The following VPS11 variants were observed in gnomAD, a reference collection of about 807,000 sequenced individuals.
The protein encoded by VPS11 is vacuolar protein sorting-associated protein 11 homolog.
VPS11 carries 51 observed loss-of-function variants against 106.8 expected under a neutral mutation model. The ratio of observed to expected loss-of-function variants is 0.48; its 90% CI spans 0.38 to 0.60. The LOEUF (loss-of-function observed/expected upper bound fraction) is 0.60. Ranked by LOEUF, VPS11 falls within the 20% of genes least tolerant of loss-of-function variation. The pLI is 0.00. For missense variants in VPS11, 950 were observed against 1,190.0 expected (o/e 0.80, Z 2.97); for synonymous variants, 453 against 458.7 (o/e 0.99, Z 0.16).
At position 119,081,286 on chromosome 11, in the gene VPS11, G is replaced by C. The variant is rs527542717; in HGVS notation, c.2633G>C (p.Arg878Pro). The C allele has an allele frequency of 3.7e-6, 6 of 1,613,872 alleles. 1 individual carries two copies. In the South Asian group the frequency reaches 6.6e-5, roughly 18 times the overall value. Residue 878 changes from arginine (R) to proline (P), a missense_variant, in exon 15 of 16, where the codon CGA becomes CCA. By Grantham distance (103) the Arg-to-Pro change is moderately radical (BLOSUM62 -2). Around this residue, in one of 3 missense-constraint regions of VPS11, gnomAD observed 453 missense variants for 514.6 expected, o/e 0.88. Transcript: ENST00000621676. ...ATGATCCGGGCCCAGGAACAGAAAC[G>C]AGATCTCCATGATCAATTCCAGCAT... is the stretch of plus-strand genomic sequence containing the variant. ...MDMIRAQEQK[R>P]DLHDQFQHQL...
intron 7 of VPS11, among the ~76,000 whole-genome samples, chr11:119,074,232 G>T (rs181066060): frequency 2.6e-5 from 4 of 151,508 alleles, no homozygotes; most frequent in African/African-American, 4.9e-5. Flanking sequence ...TTACAGGCGC[G>T]TGCCACCACA....
rs373598554 is a variant in VPS11 at position 119,069,275 on chromosome 11, C to T, written c.267C>T (p.His89=). The change falls in exon 2 of 16, where the codon CAC becomes CAT. Residue 89 remains histidine (H), a synonymous_variant. Transcript: ENST00000621676. Reference sequence around the variant, plus strand: ...AAGCCTACAAACTACGGGTGACACACCTGTACCAACTGAAGCAGCACAATA... The same window carrying T: ...AAGCCTACAAACTACGGGTGACACATCTGTACCAACTGAAGCAGCACAATA... ...GFQAYKLRVT[H]LYQLKQHNIL... 36 of 1,613,866 alleles carry T rather than the reference C, an allele frequency of 2.2e-5. No homozygotes were observed. In the African/African-American group the frequency reaches 4.1e-4, roughly 19 times the overall value.
At chr11:119,075,793 T>C (rs1452743171) in intron 7 of VPS11, among the ~76,000 whole-genome samples, 1 of 151,868 alleles carries the variant, frequency 6.6e-6, no homozygotes, top group East Asian at 1.9e-4. Flanking sequence ...TCCCAGCCAC[T>C]CGCAAAGCTG....
intron 4 of VPS11, among the ~76,000 whole-genome samples, chr11:119,071,127 A>C (rs923926911): frequency 1.1e-4 from 17 of 151,758 alleles, no homozygotes; most frequent in African/African-American, 4.1e-4. Context: ...TGGGGGTTTC[A>C]CCATGTTGCC....
rs782051419 is a variant in VPS11 at position 119,078,583 on chromosome 11, G to A, written c.1942G>A (p.Ala648Thr). 3.1e-6 allele frequency: 5 copies of A among 1,611,344 alleles called. No homozygotes were observed. Among genetic ancestry groups the A allele is most frequent in the Middle Eastern group, 1.6e-4 (1 of 6,080 alleles). The change falls in exon 12 of 16, where the codon GCA (alanine) becomes ACA (threonine). Residue 648 changes from alanine to threonine, a missense_variant. Physicochemically the swap from Ala to Thr is moderately conservative, Grantham distance 58. Coordinates refer to ENST00000621676, the MANE Select transcript of VPS11 (RefSeq NM_021729.6). ...KDPQVKEKLHAEAISLLKSGR... is the reference protein window; with the variant it reads ...KDPQVKEKLHTEAISLLKSGR... Reference sequence around the variant, plus strand: ...TCTCCAGGTCAAAGAGAAGCTTCACGCAGAGGCCATTTCCCTGCTGAAGAG... The same window carrying A: ...TCTCCAGGTCAAAGAGAAGCTTCACACAGAGGCCATTTCCCTGCTGAAGAG...
intron 8 of VPS11, among the ~76,000 whole-genome samples, 167 bp downstream of exon 8, chr11:119,077,250 A>G (rs980883699): frequency 6.6e-6 from 1 of 152,020 alleles, no homozygotes; most frequent in African/African-American, 2.4e-5. Context: ...TTGTTTTATG[A>G]TTCTAGAAAT....
rs185879397 is a variant in VPS11 at position 119,069,471 on chromosome 11, T to C, written c.366T>C (p.Asp122=). Residue 122 remains aspartate, a synonymous_variant, in exon 3 of 16, where the codon GAT becomes GAC. Transcript: ENST00000621676. ...LVKIWNLEKR[D]GGNPLCTRIF... The stretch of plus-strand genomic sequence containing the variant: ...AGATCTGGAACCTGGAGAAGAGAGA[T>C]GGTGGCAATCCACTCTGCACTCGAA... 28 of 1,613,878 alleles carry C rather than the reference T, an allele frequency of 1.7e-5. 1 individual carries two copies. The Admixed American group carries it at 4.3e-4, about 25-fold the overall frequency.
rs1194778389 is a variant in VPS11 at position 119,079,114 on chromosome 11, G to C, written c.2267-15G>C. The C allele has an allele frequency of 1.2e-6, 2 of 1,612,682 alleles. No homozygotes were observed. Among genetic ancestry groups the C allele is most frequent in the African/African-American group, 2.7e-5 (2 of 74,904 alleles). On this transcript the variant is annotated splice_polypyrimidine_tract_variant and intron_variant, in intron 13 of 15. Coordinates refer to ENST00000621676, the MANE Select transcript of VPS11 (RefSeq NM_021729.6). ...GTGGTTGATTGTCTTGTTTCCTCTT[G>C]GACCCCAATCTCAGTGGTGCAGACC...
At chr11:119,080,661 G>A (rs1396075156) in intron 14 of VPS11, among the ~76,000 whole-genome samples, 4 of 152,202 alleles carry the variant, frequency 2.6e-5, no homozygotes, top group African/African-American at 9.7e-5. Context: ...GAGCCACTGT[G>A]CCCAGCCAAA....
chr11:119,073,096 T>C, intron 5 of VPS11, 102 bp from the exon 6 acceptor site: 7 of 1,357,602 alleles, frequency 5.2e-6, no homozygotes, highest in Non-Finnish European at 7.1e-6. Context: ...AGAGAGGTGA[T>C]TTGTGCTGGG....
intron 8 of VPS11, 56 bp from the exon 9 acceptor site, chr11:119,077,443 CCT>C (rs1028886516): frequency 6.4e-7 from 1 of 1,572,786 alleles, no homozygotes; most frequent in African/African-American, 1.4e-5. Flanking sequence ...GTGCCTGTTT[CCT>C]CTCCCTTCTC....
intron 7 of VPS11, among the ~76,000 whole-genome samples, chr11:119,076,457 C>T (rs182171970): frequency 4.0e-5 from 6 of 151,328 alleles, no homozygotes; most frequent in Admixed American, 3.3e-4. Context: ...TCCTGGGAGG[C>T]AGAGGTTGCG....
intron 1 of VPS11, 89 bp downstream of exon 1, chr11:119,068,099 C>T (rs1465805912): frequency 3.3e-5 from 47 of 1,407,670 alleles, no homozygotes; most frequent in Non-Finnish European, 4.3e-5. Flanking sequence ...GGGTCCGTGC[C>T]GCGCGCCTCT....
At chr11:119,080,967 G>T (rs1245443175) in intron 14 of VPS11, 125 bp from the exon 15 acceptor site, 1 of 805,026 alleles carries the variant, frequency 1.2e-6, no homozygotes, top group Non-Finnish European at 2.1e-6. Flanking sequence ...AGAAGAGCAG[G>T]GCAGGGCCTT....
Position 119,078,914 on chromosome 11 carries a change from C to T in VPS11, c.2183C>T (p.Ala728Val). The change falls in exon 13 of 16, where the codon GCT (alanine) becomes GTT (valine). Residue 728 changes from alanine to valine, a missense_variant. By Grantham distance (64) the Ala-to-Val change is moderately conservative. Coordinates refer to ENST00000621676, the MANE Select transcript of VPS11 (RefSeq NM_021729.6). ...TGGGAGCAGGCCCTCAGCTACTTCG[C>T]TCGCAAGGAGGAGGACTGCAAGGAG... Reference protein sequence around the residue: ...SLWEQALSYFARKEEDCKEYV... With the variant: ...SLWEQALSYFVRKEEDCKEYV... 6.2e-7 allele frequency: 1 copy of T among 1,614,034 alleles called. No individual in the cohort carries two copies. The highest frequency in any genetic ancestry group is 8.5e-7 in the Non-Finnish European group (1 of 1,179,900).
chr11:119,070,591 A>C (rs1945340901), intron 4 of VPS11, 194 bp downstream of exon 4: 4 of 523,564 alleles, frequency 7.6e-6, no homozygotes, highest in Non-Finnish European at 1.2e-5. Context: ...GCTTGTAGTA[A>C]AAAGATGTGA....
chr11:119,075,279 T>G (rs1306419), intron 7 of VPS11, among the ~76,000 whole-genome samples: 1 of 151,398 alleles, frequency 6.6e-6, no homozygotes, highest in Admixed American at 6.6e-5. Context: ...AAAAAAAGTT[T>G]GTCTAAGGCT....
At chr11:119,069,056 G>C (rs1785593598) in intron 1 of VPS11, 140 bp from the exon 2 acceptor site, 1 of 766,258 alleles carries the variant, frequency 1.3e-6, no homozygotes, top group Admixed American at 3.0e-5. Flanking sequence ...CACCGCGCCT[G>C]GCCTCACTCT....
intron 8 of VPS11, 114 bp downstream of exon 8, chr11:119,077,197 T>G: frequency 7.6e-7 from 1 of 1,308,400 alleles, no homozygotes; most frequent in Non-Finnish European, 1.0e-6. Context: ...TGACCTTATT[T>G]AGAGGAGTGG....
Sources: allele counts gnomAD v4.1 joint callset (sites outside exome capture counted in the v4.1 genomes callset), GRCh38; gene constraint gnomAD v4.1.1; regional missense constraint gnomAD v4.1.1; transcripts MANE v1.5; gene names NCBI Gene and HGNC (gene_info 2026-07-23, HGNC 2026-07-21).